The following ZMYM1 variants were observed in gnomAD, a reference collection of about 807,000 sequenced individuals.
ZMYM1 encodes the protein zinc finger MYM-type protein 1.
Under a neutral mutation model 60.0 loss-of-function variants are expected in ZMYM1, and 39 were observed. That is an observed-to-expected ratio of 0.65 (90% CI 0.50 to 0.85). The LOEUF is 0.85. ZMYM1 is among the 40% of genes least tolerant of loss of function. ZMYM1 has a pLI of 0.00. For missense variants in ZMYM1, 1,171 were observed against 1,309.5 expected, an observed-to-expected ratio of 0.89 and a Z score of 1.63; for synonymous variants, 413 against 454.0, an observed-to-expected ratio of 0.91 and a Z score of 1.15.
In ZMYM1 at chr1:35,114,142, TCA is replaced by T. The variant is rs1190607900; in HGVS notation, c.2313_2314del (p.Ser772PhefsTer21). The T allele has an allele frequency of 6.2e-7, 1 of 1,609,336 alleles. No homozygotes were observed. The highest frequency in any genetic ancestry group is 1.1e-5 in the South Asian group (1 of 89,428). On this transcript the variant is annotated frameshift_variant, in exon 10 of 10. Transcript: ENST00000359858. LOFTEE classifies it high-confidence loss of function. ...GAACTCCGAAGTGCTCTAAAAACTC[TCA>T]GTTCTTTGTTCAACACTATTTGTAT...
At chr1:35,118,023 A>G (rs146797396), downstream of ZMYM1, among the ~76,000 whole-genome samples, 23 of 152,130 alleles carry the variant, frequency 1.5e-4, no homozygotes, top group East Asian at 4.5e-3. Context: ...GCGGATCACA[A>G]GGTCAAGAAT....
At chr1:35,078,537 ATTTTTT>A (rs751468260), upstream of ZMYM1, among the ~76,000 whole-genome samples, 298 of 82,192 alleles carry the variant, frequency 3.6e-3, 1 homozygote, top group African/African-American at 0.014. Context: ...GGTTATTTTA[ATTTTTT>A]TTTTTTTTTT....
At chr1:35,087,233 C>A (rs1355711880) in intron 1 of ZMYM1, among the ~76,000 whole-genome samples, 1 of 151,858 alleles carries the variant, frequency 6.6e-6, no homozygotes, top group African/African-American at 2.4e-5. Flanking sequence ...TTCAGGTAAT[C>A]TGCCTGCCTC....
chr1:35,102,569 T>G (rs1643717212), intron 4 of ZMYM1, among the ~76,000 whole-genome samples: 1 of 152,186 alleles, frequency 6.6e-6, no homozygotes, highest in African/African-American at 2.4e-5. Context: ...AAGACAAAAT[T>G]TTATTGTTGG....
Position 35,104,346 on chromosome 1 carries a change from C to T in ZMYM1, c.471C>T (p.Thr157=), listed in dbSNP as rs1301300722. 17 of 1,610,508 alleles carry T rather than the reference C, an allele frequency of 1.1e-5. No homozygotes were observed. The highest frequency in any genetic ancestry group is 2.7e-5 in the African/African-American group (2 of 74,620). The change falls in exon 5 of 10, where the codon ACC becomes ACT. Residue 157 remains threonine, a synonymous_variant. Transcript: ENST00000359858. ...TTAGTGTCCAGCTGGAAGACACTAC[C>T]TCTTGCAAAACTTTTTGCAGCCTAT... is the stretch of plus-strand genomic sequence containing the variant. ...DVISVQLEDT[T]SCKTFCSLSC... is the part of the protein sequence containing the mutation.
intron 1 of ZMYM1, among the ~76,000 whole-genome samples, chr1:35,060,530 C>CCCT (rs1407294616): frequency 6.6e-6 from 1 of 152,048 alleles, no homozygotes; most frequent in African/African-American, 2.4e-5. Context: ...AGGTGGCTTC[C>CCCT]AGGAGGAATT....
At chr1:35,111,681 C>T (rs1644091022) in intron 7 of ZMYM1, 91 bp from the exon 8 acceptor site, 1 of 1,238,856 alleles carries the variant, frequency 8.1e-7, no homozygotes, top group Non-Finnish European at 1.1e-6. Flanking sequence ...CTATTAGATG[C>T]TTGCATTATT....
chr1:35,064,052 A>G (rs76506860), intron 1 of ZMYM1, among the ~76,000 whole-genome samples: 36,436 of 151,938 alleles, frequency 0.24, 10,493 homozygotes, highest in African/African-American at 0.69. Context: ...TCAGCCGGGC[A>G]CAGTGGCTCA....
chr1:35,071,130 G>A (rs144909522), intron 1 of ZMYM1, among the ~76,000 whole-genome samples: 5,144 of 152,042 alleles, frequency 0.034, 308 homozygotes, highest in African/African-American at 0.12. Context: ...CAGATGATCC[G>A]CCTACCTCAG....
chr1:35,090,670 G>A (rs1355841762), intron 1 of ZMYM1, among the ~76,000 whole-genome samples: 1 of 152,208 alleles, frequency 6.6e-6, no homozygotes, highest in African/African-American at 2.4e-5. Context: ...TATTTGACTG[G>A]GTGTGGTGGC....
upstream of ZMYM1, among the ~76,000 whole-genome samples, chr1:35,076,254 C>A (rs1642164143): frequency 6.6e-6 from 1 of 152,202 alleles, no homozygotes; most frequent in Non-Finnish European, 1.5e-5. Context: ...TCTTTCCCAA[C>A]CTGTCAAGCC....
upstream of ZMYM1, among the ~76,000 whole-genome samples, chr1:35,076,449 C>T (rs925978135): frequency 5.3e-5 from 8 of 151,878 alleles, no homozygotes; most frequent in African/African-American, 1.9e-4. Flanking sequence ...TGGAGAAACC[C>T]CATCTCTACT....
At chr1:35,087,708 G>A (rs548024662) in intron 1 of ZMYM1, among the ~76,000 whole-genome samples, 55 of 152,160 alleles carry the variant, frequency 3.6e-4, no homozygotes, top group Middle Eastern at 3.4e-3. Context: ...GATTACAGGC[G>A]TGAGCCACCA....
At chr1:35,089,383 A>G (rs1427626661) in intron 1 of ZMYM1, among the ~76,000 whole-genome samples, 2 of 152,178 alleles carry the variant, frequency 1.3e-5, no homozygotes, top group African/African-American at 2.4e-5. Context: ...GTTTGTGTAT[A>G]ATGCTCAAAT....
At chr1:35,069,594 T>C (rs1397731098) in intron 1 of ZMYM1, among the ~76,000 whole-genome samples, 2 of 152,214 alleles carry the variant, frequency 1.3e-5, no homozygotes, top group African/African-American at 4.8e-5. Flanking sequence ...TTTGATGTAG[T>C]TCCATTTGTC....
Position 35,114,313 on chromosome 1 carries a change from A to G in ZMYM1, c.2483A>G (p.Glu828Gly). Residue 828 changes from glutamate (E) to glycine (G), a missense_variant, in exon 10 of 10, where the codon GAA (glutamate) becomes GGA (glycine). Coordinates refer to ENST00000359858, the MANE Select transcript of ZMYM1 (RefSeq NM_024772.5). Reference sequence around the variant, plus strand: ...ATTGACAGTCTTCCAGAGATTATTGAAACATTGGAAGTTATAGCAAGCCAT... The same window carrying G: ...ATTGACAGTCTTCCAGAGATTATTGGAACATTGGAAGTTATAGCAAGCCAT... ...SVIDSLPEIIETLEVIASHSS... is the reference protein window; with the variant it reads ...SVIDSLPEIIGTLEVIASHSS... 6.2e-7 allele frequency: 1 copy of G among 1,613,730 alleles called. No homozygotes were observed. The highest frequency in any genetic ancestry group is 1.1e-5 in the South Asian group (1 of 91,010).
intron 4 of ZMYM1, among the ~76,000 whole-genome samples, chr1:35,101,510 C>T (rs3104446): frequency 0.056 from 8,398 of 149,572 alleles, 714 homozygotes; most frequent in African/African-American, 0.19. Context: ...TTCCATGCGT[C>T]GCTGATGTAG....
At chr1:35,084,122 C>T (rs1642532223) in intron 1 of ZMYM1, among the ~76,000 whole-genome samples, 1 of 151,910 alleles carries the variant, frequency 6.6e-6, no homozygotes, top group Admixed American at 6.6e-5. Flanking sequence ...ATTTGATATT[C>T]ATCGATTGAA....
intron 1 of ZMYM1, among the ~76,000 whole-genome samples, chr1:35,073,217 C>T (rs1482255548): frequency 7.8e-6 from 1 of 128,940 alleles, no homozygotes; most frequent in Non-Finnish European, 1.6e-5. Context: ...CACGTCACTG[C>T]ACTCCAGCCT....
Sources: allele counts gnomAD v4.1 joint callset (sites outside exome capture counted in the v4.1 genomes callset), GRCh38; gene constraint gnomAD v4.1.1; transcripts MANE v1.5; gene names NCBI Gene and HGNC (gene_info 2026-07-23, HGNC 2026-07-21).